Variants in RBFOX1 observed in about 807,000 individuals in gnomAD.
RBFOX1 encodes RNA binding protein fox-1 homolog 1.
RBFOX1 carries 8 observed loss-of-function variants against 57.7 expected under a neutral mutation model. The observed-to-expected ratio is 0.14, with a 90% CI of 0.08 to 0.25. The LOEUF (loss-of-function observed/expected upper bound fraction) is 0.25. RBFOX1 is among the 10% of genes least tolerant of loss of function. The pLI, the probability that RBFOX1 is intolerant of heterozygous loss-of-function variation, is 1.00. For synonymous variants in RBFOX1, 326 were observed against 222.4 expected, an observed-to-expected ratio of 1.47 and a Z score of -4.15; for missense variants, 611 against 548.5, an observed-to-expected ratio of 1.11 and a Z score of -1.14.
chr16:7,286,844 G>C (rs1407043736), intron 4 of RBFOX1, among the ~76,000 whole-genome samples: 2 of 151,772 alleles, frequency 1.3e-5, no homozygotes, highest in African/African-American at 4.8e-5. Context: ...GGCCAGGCTG[G>C]TCTCAAACTC....
chr16:7,531,856 C>T (rs1322776372), intron 5 of RBFOX1, among the ~76,000 whole-genome samples: 1 of 152,088 alleles, frequency 6.6e-6, no homozygotes, highest in East Asian at 1.9e-4. Flanking sequence ...TCTCAACTCC[C>T]TCAATTTATA....
chr16:6,214,694 A>C (rs1598427300), intron 1 of RBFOX1, among the ~76,000 whole-genome samples: 1 of 105,726 alleles, frequency 9.5e-6, no homozygotes, highest in South Asian at 4.5e-4. Context: ...AGGGAGAAGG[A>C]AAGGGGGAGA....
At chr16:7,132,817 A>G (rs1026775829) in intron 4 of RBFOX1, among the ~76,000 whole-genome samples, 24 of 152,212 alleles carry the variant, frequency 1.6e-4, no homozygotes, top group Admixed American at 1.6e-3. Context: ...AAAATTGAAA[A>G]AAAAAGATAC....
chr16:6,921,129 C>G (rs2074359309), intron 3 of RBFOX1, among the ~76,000 whole-genome samples: 1 of 152,144 alleles, frequency 6.6e-6, no homozygotes, highest in Admixed American at 6.5e-5. Flanking sequence ...CTAAACTCCC[C>G]CAGGCTGCCA....
intron 1 of RBFOX1, among the ~76,000 whole-genome samples, chr16:6,233,785 T>G (rs1449338918): frequency 2.0e-5 from 3 of 152,092 alleles, no homozygotes; most frequent in African/African-American, 7.2e-5. Flanking sequence ...AACTTTATTT[T>G]TTTTCCATCC....
At chr16:5,703,897 A>G (rs754594932) in intron 3 of RBFOX1, among the ~76,000 whole-genome samples, 5 of 152,196 alleles carry the variant, frequency 3.3e-5, no homozygotes, top group Non-Finnish European at 7.3e-5. Flanking sequence ...GGTGCTTAGC[A>G]TATTCAAAAT....
At chr16:6,722,737 G>C (rs1411354907) in intron 3 of RBFOX1, among the ~76,000 whole-genome samples, 1 of 152,176 alleles carries the variant, frequency 6.6e-6, no homozygotes, top group Non-Finnish European at 1.5e-5. Context: ...TCTGAATTAA[G>C]GGCCCCGTTC....
intron 1 of RBFOX1, among the ~76,000 whole-genome samples, chr16:6,288,856 A>G (rs1379826707): frequency 1.3e-5 from 2 of 152,058 alleles, no homozygotes; most frequent in Non-Finnish European, 2.9e-5. Context: ...TAGGGTTGGA[A>G]TTCTGGATCT....
At chr16:6,797,577 C>T (rs552606736) in intron 3 of RBFOX1, among the ~76,000 whole-genome samples, 1 of 152,222 alleles carries the variant, frequency 6.6e-6, no homozygotes, top group African/African-American at 2.4e-5. Flanking sequence ...AAGCACTTTC[C>T]ATTTTCATGA....
chr16:6,910,876 C>T (rs948336124), intron 3 of RBFOX1, among the ~76,000 whole-genome samples: 1 of 152,090 alleles, frequency 6.6e-6, no homozygotes, highest in Non-Finnish European at 1.5e-5. Flanking sequence ...GGTCTTTATA[C>T]CTTTGCCTTC....
chr16:7,425,034 G>A (rs2098596790), intron 4 of RBFOX1, among the ~76,000 whole-genome samples: 1 of 152,014 alleles, frequency 6.6e-6, no homozygotes, highest in Non-Finnish European at 1.5e-5. Context: ...CATAAAAGGG[G>A]GAAATTATTG....
chr16:7,259,449 A>G (rs1263555512), intron 4 of RBFOX1, among the ~76,000 whole-genome samples: 8 of 152,066 alleles, frequency 5.3e-5, no homozygotes, highest in African/African-American at 1.7e-4. Context: ...AGTTCATGCC[A>G]TTGCATAAAA....
intron 3 of RBFOX1, among the ~76,000 whole-genome samples, chr16:6,890,850 A>C (rs1487169902): frequency 1.3e-5 from 2 of 152,216 alleles, no homozygotes; most frequent in Non-Finnish European, 2.9e-5. Context: ...AGCACTTAGC[A>C]GACTCAGTAG....
intron 1 of RBFOX1, among the ~76,000 whole-genome samples, chr16:6,198,894 GT>G (rs896239741): frequency 9.9e-5 from 15 of 150,776 alleles, no homozygotes; most frequent in South Asian, 6.3e-4. Context: ...CTCTAAACAG[GT>G]TTTTTTTTCC....
At chr16:6,002,231 C>G (rs1345127915) in intron 4 of RBFOX1, among the ~76,000 whole-genome samples, 1 of 152,182 alleles carries the variant, frequency 6.6e-6, no homozygotes, top group Non-Finnish European at 1.5e-5. Context: ...CCCGCCCCAG[C>G]CTGCCAAAGT....
chr16:6,156,112 A>C (rs887940055), intron 1 of RBFOX1, among the ~76,000 whole-genome samples: 1 of 152,188 alleles, frequency 6.6e-6, no homozygotes, highest in Admixed American at 6.5e-5. Flanking sequence ...GCTAGGATTC[A>C]TGTTCATTTC....
intron 3 of RBFOX1, among the ~76,000 whole-genome samples, chr16:7,048,503 C>T (rs1159820048): frequency 6.6e-6 from 1 of 151,688 alleles, no homozygotes; most frequent in Non-Finnish European, 1.5e-5. Context: ...TCATGATCCA[C>T]CCGCCTCAGC....
chr16:6,061,260 C>T (rs530435013), intron 1 of RBFOX1, among the ~76,000 whole-genome samples: 3 of 152,086 alleles, frequency 2.0e-5, no homozygotes, highest in South Asian at 4.1e-4. Context: ...TGCGAAGTTA[C>T]CAAACATATA....
At chr16:7,477,129 G>C (rs1363856896) in intron 4 of RBFOX1, among the ~76,000 whole-genome samples, 1 of 152,006 alleles carries the variant, frequency 6.6e-6, no homozygotes, top group African/African-American at 2.4e-5. Context: ...TTGTTGTTAA[G>C]ACCTGTCACA....
Sources: allele counts gnomAD v4.1 joint callset (sites outside exome capture counted in the v4.1 genomes callset), GRCh38; gene constraint gnomAD v4.1.1; transcripts MANE v1.5; gene names NCBI Gene and HGNC (gene_info 2026-07-23, HGNC 2026-07-21).